The following SULT2B1 variants were observed in gnomAD, a reference collection of about 807,000 sequenced individuals.
SULT2B1 encodes the protein sulfotransferase family 2B member 1, also known as sulfotransferase 2B1.
In SULT2B1, 16 loss-of-function variants were observed where a neutral mutation model predicts 33.2. The observed-to-expected ratio is 0.48, with a 90% CI of 0.33 to 0.73. The LOEUF is 0.73. Ranked by LOEUF, SULT2B1 falls within the 30% of genes least tolerant of loss-of-function variation. SULT2B1 has a pLI of 0.02. For synonymous variants in SULT2B1, 186 were observed against 200.5 expected (o/e 0.93, Z 0.61); for missense variants, 500 against 506.0 (o/e 0.99, Z 0.11).
chr19:48,586,320 G>C (rs1973560919), intron 2 of SULT2B1, among the ~76,000 whole-genome samples: 1 of 152,206 alleles, frequency 6.6e-6, no homozygotes, highest in South Asian at 2.1e-4. Flanking sequence ...CCTATAAACT[G>C]TAGTTGGTGC....
At chr19:48,570,156 G>A (rs1973300529) in intron 1 of SULT2B1, among the ~76,000 whole-genome samples, 1 of 149,622 alleles carries the variant, frequency 6.7e-6, no homozygotes, top group Non-Finnish European at 1.5e-5. Flanking sequence ...CTTCCCTGTG[G>A]CTGTGGGAAC....
chr19:48,569,355 A>ATAT (rs1973286783), intron 1 of SULT2B1, among the ~76,000 whole-genome samples: 1 of 16,738 alleles, frequency 6.0e-5, no homozygotes, highest in African/African-American at 4.3e-4. Flanking sequence ...AAAAAAAAAA[A>ATAT]AAAAAAACAT....
At chr19:48,586,059 A>C (rs1316380740) in intron 2 of SULT2B1, among the ~76,000 whole-genome samples, 2 of 151,842 alleles carry the variant, frequency 1.3e-5, no homozygotes, top group African/African-American at 4.8e-5. Context: ...TCTTCTAAAA[A>C]TAAAAATAAG....
chr19:48,590,305 TA>T (rs1355709288), intron 3 of SULT2B1, among the ~76,000 whole-genome samples: 4 of 150,996 alleles, frequency 2.6e-5, no homozygotes, highest in Admixed American at 1.3e-4. Context: ...ACCTTGTTTC[TA>T]AAAAATAAGA....
chr19:48,592,597 G>A (rs1036294214), intron 4 of SULT2B1, 125 bp from the exon 5 acceptor site: 49 of 744,568 alleles, frequency 6.6e-5, no homozygotes, highest in Non-Finnish European at 1.0e-4. Flanking sequence ...TCTGGGGGAG[G>A]GCATCCAGCT....
chr19:48,570,718 G>GT (rs1568406315), intron 1 of SULT2B1, among the ~76,000 whole-genome samples: 6 of 151,350 alleles, frequency 4.0e-5, no homozygotes, highest in African/African-American at 1.5e-4. Context: ...TTTGTTTTCC[G>GT]TTTTTGTTTT....
At chr19:48,597,293 G>GT (rs1973732071) in intron 6 of SULT2B1, among the ~76,000 whole-genome samples, 1 of 150,772 alleles carries the variant, frequency 6.6e-6, no homozygotes, top group Admixed American at 6.6e-5. Context: ...TCTTCCTGCT[G>GT]TAACAAAAAC....
intron 1 of SULT2B1, among the ~76,000 whole-genome samples, chr19:48,563,771 C>G (rs1250869015): frequency 1.3e-5 from 2 of 151,934 alleles, no homozygotes; most frequent in Non-Finnish European, 2.9e-5. Flanking sequence ...TCAAGACCAG[C>G]CTGACCAACA....
chr19:48,561,040 G>A (rs546231889), intron 1 of SULT2B1, among the ~76,000 whole-genome samples: 2 of 152,112 alleles, frequency 1.3e-5, no homozygotes, highest in African/African-American at 4.8e-5. Flanking sequence ...GCTGAGGCAG[G>A]AGGATTGTTT....
In SULT2B1 at chr19:48,570,910, G is replaced by A. The variant is rs1028715901; in HGVS notation, c.72-5031G>A. ...GCTAATTTTTTGTATTTTTAGTAGA[G>A]ACGGGGTTTCACCATGTTAGCCAGG... On this transcript the variant is annotated intron_variant, in intron 1 of 6. Transcript: ENST00000201586. 2.0e-5 allele frequency among the ~76,000 whole-genome samples: 3 copies of A among 151,692 alleles called. No individual in the cohort carries two copies. The East Asian group carries it at 5.9e-4, about 30-fold the overall frequency.
intron 2 of SULT2B1, among the ~76,000 whole-genome samples, chr19:48,586,043 C>T (rs111829553): frequency 9.9e-5 from 15 of 151,864 alleles, no homozygotes; most frequent in South Asian, 6.3e-4. Context: ...ATAGTGGGAC[C>T]GTATGTCTTC....
At chr19:48,567,772 C>T (rs1002672579) in intron 1 of SULT2B1, among the ~76,000 whole-genome samples, 3 of 151,736 alleles carry the variant, frequency 2.0e-5, no homozygotes, top group African/African-American at 4.8e-5. Context: ...GAGTTCAAGA[C>T]CAACCTGAGC....
intron 1 of SULT2B1, among the ~76,000 whole-genome samples, chr19:48,574,274 T>G (rs982468903): frequency 2.0e-5 from 3 of 152,178 alleles, no homozygotes; most frequent in African/African-American, 7.2e-5. Context: ...CTTCATTCCT[T>G]CCTTCCTTCC....
Position 48,587,225 on chromosome 19 carries a change from A to G in SULT2B1, c.215-4A>G, listed in dbSNP as rs1385917789. 1.2e-6 allele frequency: 2 copies of G among 1,604,094 alleles called. No homozygotes were observed. The highest frequency in any genetic ancestry group is 2.2e-5 in the East Asian group (1 of 44,752). On this transcript the variant is annotated splice_polypyrimidine_tract_variant and splice_region_variant and intron_variant, in intron 2 of 6. Transcript: ENST00000201586. ...CAATTAATCTGCTCGATTTCTCCCA[A>G]CAGGCACGACCTGGATGATCGAGAT...
chr19:48,572,524 A>T (rs6509394), intron 1 of SULT2B1, among the ~76,000 whole-genome samples: 10 of 150,308 alleles, frequency 6.7e-5, no homozygotes, highest in East Asian at 1.9e-4. Flanking sequence ...AAAAAAAATT[A>T]AAAAAAAGAG....
intron 3 of SULT2B1, chr19:48,591,372 G>C (rs1389883156): frequency 2.8e-6 from 1 of 358,880 alleles, no homozygotes; most frequent in Non-Finnish European, 5.1e-6. Context: ...TCAGGAGGCT[G>C]ACACAGGAGA....
Position 48,599,188 on chromosome 19 carries a change from G to C in SULT2B1, c.880G>C (p.Asp294His), listed in dbSNP as rs201648343. Residue 294 changes from aspartate to histidine, a missense_variant, in exon 7 of 7, where the codon GAT becomes CAT. Transcript: ENST00000201586. This position sits in a 1 kb window ranked among gnomAD's most constrained non-coding sequence, Gnocchi z 4.1. ...HFTVAQSEAF[D>H]RAYRKQMRGM... ...CACGGTGGCCCAGAGCGAAGCCTTC[G>C]ATCGTGCCTACCGCAAGCAGATGCG... The C allele has an allele frequency of 1.4e-4, 232 of 1,602,694 alleles. No homozygotes were observed. The highest frequency in any genetic ancestry group is 6.8e-4 in the South Asian group (61 of 89,854).
At chr19:48,567,435 G>A (rs1027134298) in intron 1 of SULT2B1, among the ~76,000 whole-genome samples, 4 of 152,060 alleles carry the variant, frequency 2.6e-5, no homozygotes, top group Non-Finnish European at 4.4e-5. Flanking sequence ...GGTGGTGCAC[G>A]CCTGTAATCT....
In SULT2B1 at chr19:48,592,016, C is replaced by T. The variant is rs183704622; in HGVS notation, c.550+281C>T. Among the ~76,000 whole-genome samples the T allele has an allele frequency of 4.6e-5, 7 of 152,002 alleles. No homozygotes were observed. In the South Asian group the frequency reaches 1.2e-3, roughly 27 times the overall value. The stretch of plus-strand genomic sequence containing the variant: ...GAGGGCAACAAAAGAGACAGGGGCC[C>T]GGCATGGTGGCTCATGCGTGTAATC... On this transcript the variant is annotated intron_variant, in intron 4 of 6. Coordinates refer to ENST00000201586, the MANE Select transcript of SULT2B1 (RefSeq NM_177973.2).
Sources: allele counts gnomAD v4.1 joint callset (sites outside exome capture counted in the v4.1 genomes callset), GRCh38; gene constraint gnomAD v4.1.1; non-coding constraint Gnocchi (gnomAD v3.1); transcripts MANE v1.5; gene names NCBI Gene and HGNC (gene_info 2026-07-23, HGNC 2026-07-21).